NXN: variants seen among roughly 807,000 people sequenced by gnomAD.
NXN encodes the protein nucleoredoxin.
Under a neutral mutation model 48.6 loss-of-function variants are expected in NXN, and 16 were observed. The observed-to-expected ratio is 0.33, with a 90% CI of 0.22 to 0.50. The LOEUF (loss-of-function observed/expected upper bound fraction) is 0.50. Among genes scored for constraint, NXN ranks in the 20% least tolerant of loss-of-function variants. The probability of loss-of-function intolerance (pLI) is 0.98; values close to 1 mark genes in which losing one functional copy is unlikely to be tolerated. For synonymous variants in NXN, 281 were observed against 269.6 expected (o/e 1.04, Z -0.41); for missense variants, 492 against 605.5 (o/e 0.81, Z 1.97).
chr17:850,752 A>G (rs372569733), intron 1 of NXN, among the ~76,000 whole-genome samples: 8 of 152,214 alleles, frequency 5.3e-5, no homozygotes, highest in African/African-American at 1.9e-4. Flanking sequence ...AATCACACAC[A>G]TGATATTCAG....
intron 1 of NXN, among the ~76,000 whole-genome samples, chr17:893,569 G>A (rs73975582): frequency 0.027 from 4,108 of 151,614 alleles, 72 homozygotes; most frequent in African/African-American, 0.036. Flanking sequence ...TCAACCTCCG[G>A]AAGCCAGAGG....
At chr17:947,535 C>G (rs539066003) in intron 1 of NXN, among the ~76,000 whole-genome samples, 1 of 151,794 alleles carries the variant, frequency 6.6e-6, no homozygotes, top group Non-Finnish European at 1.5e-5. Context: ...GAGTTCGAGA[C>G]CAGCCTGGCC....
intron 1 of NXN, among the ~76,000 whole-genome samples, chr17:876,625 C>T (rs1217398830): frequency 6.6e-6 from 1 of 152,224 alleles, no homozygotes; most frequent in East Asian, 1.9e-4. Context: ...AGCTCAACAG[C>T]GCTGTTAGTG....
Position 830,443 on chromosome 17 carries a change from G to A in NXN, c.361-4365C>T, listed in dbSNP as rs1395266237. On this transcript the variant is annotated intron_variant, in intron 1 of 7. Coordinates refer to ENST00000336868, the MANE Select transcript of NXN (RefSeq NM_022463.5). This position sits in a 1 kb window ranked among gnomAD's most constrained non-coding sequence, Gnocchi z 4.2. Reference sequence around the variant, plus strand: ...GATGGCAGCGTGGATTCCAGAGACAGGCGTCCGGGAGGAATGACATTTGGG... The same window carrying A: ...GATGGCAGCGTGGATTCCAGAGACAAGCGTCCGGGAGGAATGACATTTGGG... 6.6e-5 allele frequency among the ~76,000 whole-genome samples: 10 copies of A among 152,068 alleles called. No individual in the cohort carries two copies. The East Asian group carries it at 1.9e-3, about 29-fold the overall frequency.
Position 918,957 on chromosome 17 carries a change from C to T in NXN, c.360+60362G>A, listed in dbSNP as rs551625274. On this transcript the variant is annotated intron_variant, in intron 1 of 7. Transcript: ENST00000336868. ...GCGTGCGCCTGTAGTCCCAGCTACTCGGGAGGCTGAGGCGGGAGGATCACT... is the reference window on the plus strand; with the variant it reads ...GCGTGCGCCTGTAGTCCCAGCTACTTGGGAGGCTGAGGCGGGAGGATCACT... Among the ~76,000 whole-genome samples the T allele has an allele frequency of 5.9e-5, 9 of 151,320 alleles. No individual in the cohort carries two copies. In the South Asian group the frequency reaches 6.3e-4, roughly 11 times the overall value.
At chr17:883,082 T>TA (rs1253060116) in intron 1 of NXN, among the ~76,000 whole-genome samples, 21 of 152,154 alleles carry the variant, frequency 1.4e-4, no homozygotes, top group Non-Finnish European at 2.1e-4. Context: ...TGGCTGTGTG[T>TA]AGTGGCGTGC....
chr17:819,683 G>A (rs1912711345), intron 4 of NXN, 138 bp from the exon 5 acceptor site: 1 of 614,908 alleles, frequency 1.6e-6, no homozygotes, highest in Non-Finnish European at 2.8e-6. Flanking sequence ...TAGGCAACAG[G>A]CTATGGGAGT....
chr17:832,415 T>C, intron 1 of NXN, among the ~76,000 whole-genome samples: 1 of 151,798 alleles, frequency 6.6e-6, no homozygotes, highest in East Asian at 1.9e-4. Flanking sequence ...CTCGATCTCC[T>C]GACCTCGTGT....
chr17:915,697 T>C (rs1243358023), intron 1 of NXN, among the ~76,000 whole-genome samples: 1 of 152,206 alleles, frequency 6.6e-6, no homozygotes, highest in African/African-American at 2.4e-5. Flanking sequence ...ACCCCAGGGC[T>C]GGAAACTTGG....
At chr17:953,764 C>T (rs1398801814) in intron 1 of NXN, among the ~76,000 whole-genome samples, 1 of 152,050 alleles carries the variant, frequency 6.6e-6, no homozygotes, top group East Asian at 1.9e-4. Flanking sequence ...AGTGAGACCC[C>T]CATCTCTAAC....
At chr17:873,148 A>G (rs1036594319) in intron 1 of NXN, among the ~76,000 whole-genome samples, 1 of 152,094 alleles carries the variant, frequency 6.6e-6, no homozygotes, top group African/African-American at 2.4e-5. Flanking sequence ...CAGCTTGCCA[A>G]CTGCAGCTCT....
At chr17:963,180 T>A (rs2069257746) in intron 1 of NXN, among the ~76,000 whole-genome samples, 1 of 140,560 alleles carries the variant, frequency 7.1e-6, no homozygotes, top group African/African-American at 2.8e-5. Flanking sequence ...AAAGGCTTGA[T>A]TTAAAAAAAA....
At chr17:910,655 T>C (rs1027521496) in intron 1 of NXN, 1 of 152,220 alleles carries the variant, frequency 6.6e-6, no homozygotes, top group Non-Finnish European at 1.5e-5. Context: ...ATTGCTCCAA[T>C]GAATTAATGC....
At chr17:826,165 G>A (rs764724873) in intron 1 of NXN, 87 bp from the exon 2 acceptor site, 22 of 865,750 alleles carry the variant, frequency 2.5e-5, no homozygotes, top group Non-Finnish European at 6.0e-6. Flanking sequence ...CTGGAGGCTG[G>A]ATGAACAGGC....
chr17:809,966 G>A lies in NXN; in HGVS notation c.821-4719C>T, dbSNP rs1164623666. 1.5e-5 allele frequency among the ~76,000 whole-genome samples: 2 copies of A among 131,448 alleles called. 1 individual carries two copies. The highest frequency in any genetic ancestry group is 4.8e-4 in the South Asian group (2 of 4,204). The allele number at this position is 131,448 out of a possible 152,430, so 86.2% of individuals were successfully genotyped here. On this transcript the variant is annotated intron_variant, in intron 5 of 7. Transcript: ENST00000336868. The stretch of plus-strand genomic sequence containing the variant: ...TACGTTACGAGTCTGTGTGAGTGGC[G>A]TGTACGTTACGAGTCTGTGAGTGGC...
rs529409319 is a variant in NXN, at chr17:964,588, G to A, written c.360+14731C>T. On this transcript the variant is annotated intron_variant, in intron 1 of 7. Transcript: ENST00000336868. ...GAAACTGATTTCCCCCCAGGAAAAT[G>A]TCTGAAGGCATTTACTTCCAATTCA... Among the ~76,000 whole-genome samples the A allele has an allele frequency of 2.2e-4, 34 of 152,330 alleles. No homozygotes were observed. The South Asian group carries it at 7.0e-3, about 32-fold the overall frequency.
At chr17:918,643 A>T (rs1426584263) in intron 1 of NXN, among the ~76,000 whole-genome samples, 1 of 151,904 alleles carries the variant, frequency 6.6e-6, no homozygotes, top group Admixed American at 6.6e-5. Flanking sequence ...AAATACAAAA[A>T]TTATCCAGGC....
At chr17:810,836 C>T (rs1911952388) in intron 5 of NXN, among the ~76,000 whole-genome samples, 1 of 151,986 alleles carries the variant, frequency 6.6e-6, no homozygotes, top group Non-Finnish European at 1.5e-5. Flanking sequence ...TTGCAGTGAG[C>T]GGAGATCTTG....
chr17:929,388 C>G (rs931677593), intron 1 of NXN, among the ~76,000 whole-genome samples: 1 of 152,208 alleles, frequency 6.6e-6, no homozygotes, highest in African/African-American at 2.4e-5. Flanking sequence ...AACTCCAGCT[C>G]GGTCTTCACT....
Sources: gnomAD v4.1 joint callset for allele counts (sites outside exome capture counted in the v4.1 genomes callset) on GRCh38, gnomAD v4.1.1 for gene constraint, Gnocchi (gnomAD v3.1) non-coding constraint, MANE v1.5 for transcripts, NCBI Gene and HGNC (gene_info 2026-07-23, HGNC 2026-07-21) for gene names.